MEIS1: variants seen among roughly 807,000 people sequenced by gnomAD.
The protein encoded by MEIS1 is Meis homeobox 1.
In MEIS1, 5 loss-of-function variants were observed where a neutral mutation model predicts 50.8. That is an observed-to-expected ratio of 0.10 (90% CI 0.05 to 0.21). MEIS1 has a LOEUF of 0.21. Ranked by LOEUF, MEIS1 falls within the 10% of genes least tolerant of loss-of-function variation. The pLI is 1.00. For missense variants in MEIS1, 318 were observed against 517.3 expected (o/e 0.61, Z 3.74); for synonymous variants, 176 against 179.3 (o/e 0.98, Z 0.15).
chr2:66,488,530 T>C (rs1414578987), intron 7 of MEIS1, among the ~76,000 whole-genome samples: 1 of 151,882 alleles, frequency 6.6e-6, no homozygotes, highest in Non-Finnish European at 1.5e-5. Flanking sequence ...TACAAAAAAT[T>C]AGCCGGGCAT....
chr2:66,455,840 C>T (rs913870760), intron 6 of MEIS1, among the ~76,000 whole-genome samples: 2 of 152,038 alleles, frequency 1.3e-5, no homozygotes, highest in African/African-American at 4.8e-5. Flanking sequence ...ATTAAAAAAC[C>T]ATTAGATTCA....
intron 7 of MEIS1, among the ~76,000 whole-genome samples, chr2:66,511,098 T>C (rs1366840579): frequency 6.6e-6 from 1 of 152,206 alleles, no homozygotes; most frequent in Non-Finnish European, 1.5e-5. Flanking sequence ...AAGAGAACGG[T>C]TGACCGAGCT....
intron 6 of MEIS1, among the ~76,000 whole-genome samples, chr2:66,449,432 A>G (rs1672229673): frequency 6.6e-6 from 1 of 152,094 alleles, no homozygotes; most frequent in Non-Finnish European, 1.5e-5. Context: ...AGTTCAAGCA[A>G]ATGAGTGTGT....
At chr2:66,436,016 C>T in intron 1 of MEIS1, 148 bp downstream of exon 1, 1 of 606,244 alleles carries the variant, frequency 1.6e-6, no homozygotes, top group Non-Finnish European at 2.7e-6. Context: ...AGGATTTATT[C>T]AATGCATTTG....
intron 8 of MEIS1, among the ~76,000 whole-genome samples, chr2:66,541,219 A>C (rs1001799925): frequency 2.6e-5 from 4 of 151,722 alleles, no homozygotes; most frequent in African/African-American, 9.7e-5. Flanking sequence ...TTGTATTTTT[A>C]GTAGAGACGA....
intron 9 of MEIS1, among the ~76,000 whole-genome samples, chr2:66,551,899 CTTATG>C (rs1044284303): frequency 1.8e-4 from 28 of 151,958 alleles, no homozygotes; most frequent in East Asian, 3.9e-4. Flanking sequence ...TTAACAAATA[CTTATG>C]TTATATCAGC....
intron 2 of MEIS1, chr2:66,439,317 GC>G (rs1402883431): frequency 9.6e-6 from 11 of 1,149,938 alleles, no homozygotes; most frequent in Non-Finnish European, 9.6e-6. Context: ...CCTAGGTGCA[GC>G]CCGTTGACAG....
chr2:66,473,707 C>T (rs553648341), intron 7 of MEIS1, among the ~76,000 whole-genome samples: 40 of 151,896 alleles, frequency 2.6e-4, no homozygotes, highest in African/African-American at 9.7e-4. Context: ...TACATATATC[C>T]CCTGAATTCT....
intron 7 of MEIS1, among the ~76,000 whole-genome samples, chr2:66,492,067 A>G: frequency 7.0e-6 from 1 of 142,522 alleles, no homozygotes; most frequent in South Asian, 2.8e-4. Flanking sequence ...GTGAGCGTTC[A>G]CTTGTGTGTG....
At chr2:66,444,702 C>T (rs10182592) in intron 6 of MEIS1, among the ~76,000 whole-genome samples, 1,752 of 152,294 alleles carry the variant, frequency 0.012, 36 homozygotes, top group African/African-American at 0.041. Flanking sequence ...GCCCGCCAGC[C>T]CTGGCCCGGG....
At chr2:66,488,232 T>C (rs12471916) in intron 7 of MEIS1, among the ~76,000 whole-genome samples, 1 of 152,016 alleles carries the variant, frequency 6.6e-6, no homozygotes, top group Admixed American at 6.5e-5. Context: ...GGTCAGGAAT[T>C]ACTGGTATAA....
chr2:66,502,126 T>C (rs1195170131), intron 7 of MEIS1, among the ~76,000 whole-genome samples: 1 of 152,226 alleles, frequency 6.6e-6, no homozygotes, highest in Non-Finnish European at 1.5e-5. Flanking sequence ...TTTATATACA[T>C]ACAGCCTAGA....
chr2:66,550,240 T>C (rs1056188439), intron 9 of MEIS1, among the ~76,000 whole-genome samples: 2 of 152,216 alleles, frequency 1.3e-5, no homozygotes, highest in African/African-American at 4.8e-5. Context: ...GTGGTTTCTC[T>C]CTACTTGTAT....
At chr2:66,504,051 G>A (rs1347737627) in intron 7 of MEIS1, among the ~76,000 whole-genome samples, 3 of 151,644 alleles carry the variant, frequency 2.0e-5, no homozygotes, top group African/African-American at 7.3e-5. Context: ...AGCCCTATGA[G>A]GCATATTTTT....
chr2:66,450,775 T>G (rs1478040233), intron 6 of MEIS1, among the ~76,000 whole-genome samples: 1 of 152,184 alleles, frequency 6.6e-6, no homozygotes, highest in African/African-American at 2.4e-5. Context: ...TTAGAATGAA[T>G]TGTTGCTTGT....
intron 8 of MEIS1, 24 bp downstream of exon 8, chr2:66,512,318 T>C (rs1053782990): frequency 8.8e-6 from 14 of 1,599,766 alleles, no homozygotes; most frequent in Admixed American, 6.9e-5. Context: ...AAATGACATA[T>C]ATAAACTAAA....
At chr2:66,447,813 G>A (rs528136442) in intron 6 of MEIS1, among the ~76,000 whole-genome samples, 32 of 152,232 alleles carry the variant, frequency 2.1e-4, no homozygotes, top group South Asian at 6.2e-4. Flanking sequence ...CCTTTGCGTA[G>A]CTTCCCTCTC....
chr2:66,443,910 G>A (rs1412220293), intron 6 of MEIS1: 1 of 152,542 alleles, frequency 6.6e-6, no homozygotes, highest in Non-Finnish European at 1.5e-5. Flanking sequence ...TTCTTCCGAT[G>A]CGTTACTAAG....
chr2:66,565,278 TTCAC>T (rs1465571120), intron 9 of MEIS1, among the ~76,000 whole-genome samples: 2 of 149,972 alleles, frequency 1.3e-5, no homozygotes, highest in East Asian at 4.1e-4. Flanking sequence ...AGTCACTGTA[TTCAC>T]TCTCTCTCTC....
Sources: allele counts gnomAD v4.1 joint callset (sites outside exome capture counted in the v4.1 genomes callset), GRCh38; gene constraint gnomAD v4.1.1; transcripts MANE v1.5; gene names NCBI Gene and HGNC (gene_info 2026-07-23, HGNC 2026-07-21).